WDR59: variants seen among roughly 807,000 people sequenced by gnomAD.
WDR59 encodes the protein WD repeat domain 59, also known as GATOR2 complex protein WDR59.
A neutral mutation model predicts 131.2 loss-of-function variants in WDR59; 100 were observed. The ratio of observed to expected loss-of-function variants is 0.76; its 90% CI spans 0.65 to 0.90. The LOEUF (loss-of-function observed/expected upper bound fraction) is 0.90. Among genes scored for constraint, WDR59 ranks in the 40% least tolerant of loss-of-function variants. The pLI is 0.00. For synonymous variants in WDR59, 601 were observed against 466.2 expected (o/e 1.29, Z -3.72); for missense variants, 1,203 against 1,262.2 (o/e 0.95, Z 0.71).
At chr16:74,923,426 C>A (rs1322724583) in intron 9 of WDR59, among the ~76,000 whole-genome samples, 2 of 152,160 alleles carry the variant, frequency 1.3e-5, no homozygotes, top group African/African-American at 4.8e-5. Flanking sequence ...GAGCTTTGAT[C>A]AGCAATTCTG....
At chr16:74,875,195 C>T (rs538704562) in intron 25 of WDR59, among the ~76,000 whole-genome samples, 16 of 152,304 alleles carry the variant, frequency 1.1e-4, no homozygotes, top group African/African-American at 3.4e-4. Context: ...ACCGGGATGC[C>T]GCTCCACCGC....
chr16:74,927,020 T>C (rs764303682), intron 8 of WDR59, among the ~76,000 whole-genome samples: 48 of 152,340 alleles, frequency 3.2e-4, no homozygotes, highest in African/African-American at 1.1e-3. Flanking sequence ...ACAGCACATA[T>C]GAACGGGCAA....
In WDR59 at chr16:74,902,014, C is replaced by T. The variant is rs115004901; in HGVS notation, c.1866+1933G>A. Among the ~76,000 whole-genome samples the T allele has an allele frequency of 5.0e-3, 760 of 152,160 alleles. 8 individuals are homozygous for T. The highest frequency in any genetic ancestry group is 0.017 in the African/African-American group (719 of 41,520). On this transcript the variant is annotated intron_variant, in intron 18 of 25. Coordinates refer to ENST00000262144, the MANE Select transcript of WDR59 (RefSeq NM_030581.4). ...GAACCACATGAATCTTTGTTTAGGT[C>T]AAAAATGGTCAAATATCAGCAATTT...
At chr16:74,882,628 A>T (rs1964541712) in intron 25 of WDR59, among the ~76,000 whole-genome samples, 1 of 151,866 alleles carries the variant, frequency 6.6e-6, no homozygotes, top group Admixed American at 6.6e-5. Context: ...ATTCCTATTA[A>T]TTGTATTGTA....
At chr16:74,973,812 G>C (rs2034080717) in intron 1 of WDR59, among the ~76,000 whole-genome samples, 1 of 152,178 alleles carries the variant, frequency 6.6e-6, no homozygotes, top group Non-Finnish European at 1.5e-5. Flanking sequence ...AAGGCAGGCA[G>C]ATCGCCTGAG....
At chr16:74,898,945 T>C (rs1597665487) in intron 18 of WDR59, among the ~76,000 whole-genome samples, 1 of 152,138 alleles carries the variant, frequency 6.6e-6, no homozygotes, top group South Asian at 2.1e-4. Context: ...TTCCAACTGG[T>C]TTTCTATGAC....
chr16:74,983,683 T>A (rs760298404), intron 1 of WDR59, among the ~76,000 whole-genome samples: 2 of 151,524 alleles, frequency 1.3e-5, no homozygotes, highest in Non-Finnish European at 2.9e-5. Context: ...CCACATAAAA[T>A]CTTCACTCGA....
In WDR59 at chr16:74,951,498, C is replaced by T; in HGVS notation, c.286G>A (p.Glu96Lys). 2.5e-6 allele frequency: 4 copies of T among 1,603,460 alleles called. No homozygotes were observed. Among genetic ancestry groups the T allele is most frequent in the Non-Finnish European group, 2.6e-6 (3 of 1,175,572 alleles). The change falls in exon 4 of 26, where the codon GAA (glutamate) becomes AAA (lysine). Residue 96 changes from glutamate (E) to lysine (K), a missense_variant. Coordinates refer to ENST00000262144, the MANE Select transcript of WDR59 (RefSeq NM_030581.4). ...TGGCCTTGTAAGGTTGTGCCAACTT[C>T]CCCACTGCCGTCTTTCCACTTGTAA... is the stretch of plus-strand genomic sequence containing the variant. Reference protein sequence around the residue: ...DLYKWKDGSGEVGTTLQGHTR... With the variant: ...DLYKWKDGSGKVGTTLQGHTR...
At chr16:74,896,606 G>C (rs1373317819) in intron 18 of WDR59, among the ~76,000 whole-genome samples, 1 of 150,006 alleles carries the variant, frequency 6.7e-6, no homozygotes, top group African/African-American at 2.5e-5. Context: ...CTGCACTCCA[G>C]CCTGGGCAAC....
chr16:74,968,714 G>C (rs989879222), intron 1 of WDR59, among the ~76,000 whole-genome samples: 1 of 152,120 alleles, frequency 6.6e-6, no homozygotes, highest in African/African-American at 2.4e-5. Flanking sequence ...GACAGAGCAA[G>C]ACTCTGTCTC....
chr16:74,876,639 A>AT (rs1964228271), intron 25 of WDR59, among the ~76,000 whole-genome samples: 1 of 152,214 alleles, frequency 6.6e-6, no homozygotes, highest in Non-Finnish European at 1.5e-5. Flanking sequence ...CATTTCGTTA[A>AT]TTAGCGAATG....
At chr16:74,932,577 C>A (rs1393542321) in intron 8 of WDR59, among the ~76,000 whole-genome samples, 2 of 152,152 alleles carry the variant, frequency 1.3e-5, no homozygotes, top group African/African-American at 2.4e-5. Flanking sequence ...CAGCCTCAAC[C>A]TCCTCGGCTC....
At chr16:74,981,639 TATATATATATATATA>T (rs1374827081) in intron 1 of WDR59, among the ~76,000 whole-genome samples, 4,657 of 40,836 alleles carry the variant, frequency 0.11, 624 homozygotes, top group Admixed American at 0.18. Flanking sequence ...TATATATATA[TATATATATATATATA>T]TATATATTTT....
intron 1 of WDR59, among the ~76,000 whole-genome samples, chr16:74,980,331 G>C (rs1182039009): frequency 6.6e-6 from 1 of 151,686 alleles, no homozygotes; most frequent in Non-Finnish European, 1.5e-5. Flanking sequence ...CTTCAGACTG[G>C]GGTTTTCCTC....
At chr16:74,947,464 A>T (rs1354293116) in intron 6 of WDR59, among the ~76,000 whole-genome samples, 1 of 152,226 alleles carries the variant, frequency 6.6e-6, no homozygotes, top group Non-Finnish European at 1.5e-5. Context: ...TTGCTTTAAT[A>T]AACTACAGGA....
intron 8 of WDR59, among the ~76,000 whole-genome samples, chr16:74,937,186 C>CA (rs2031870717): frequency 6.6e-6 from 1 of 152,172 alleles, no homozygotes; most frequent in Admixed American, 6.5e-5. Context: ...TCCCATGTCA[C>CA]AGAGAGGAAA....
intron 8 of WDR59, among the ~76,000 whole-genome samples, chr16:74,928,232 A>C (rs1433652792): frequency 3.7e-5 from 5 of 135,198 alleles, no homozygotes; most frequent in African/African-American, 1.4e-4. Flanking sequence ...TTTGAGACAG[A>C]AGACAGAATC....
intron 1 of WDR59, among the ~76,000 whole-genome samples, chr16:74,966,505 T>G (rs2033783358): frequency 6.6e-6 from 1 of 151,774 alleles, no homozygotes; most frequent in African/African-American, 2.4e-5. Context: ...ATAAATAAAT[T>G]GAAGAGACAG....
intron 18 of WDR59, chr16:74,899,739 C>G (rs1338045669): frequency 7.8e-7 from 1 of 1,288,922 alleles, no homozygotes; most frequent in East Asian, 5.5e-5. Flanking sequence ...CGCCGCCGGG[C>G]AGAGCGAGGA....
Sources: allele counts gnomAD v4.1 joint callset (sites outside exome capture counted in the v4.1 genomes callset), GRCh38; gene constraint gnomAD v4.1.1; transcripts MANE v1.5; gene names NCBI Gene and HGNC (gene_info 2026-07-23, HGNC 2026-07-21).